Variants in ENTPD1 observed in about 807,000 individuals in gnomAD.
ENTPD1 encodes ectonucleoside triphosphate diphosphohydrolase 1.
Under a neutral mutation model 57.0 loss-of-function variants are expected in ENTPD1, and 33 were observed. The ratio of observed to expected loss-of-function variants is 0.58; its 90% CI spans 0.44 to 0.77. The LOEUF (loss-of-function observed/expected upper bound fraction) is 0.77, where lower values mean the gene tolerates loss of function less well. Among genes scored for constraint, ENTPD1 ranks in the 30% least tolerant of loss-of-function variants. The pLI is 0.00. For missense variants in ENTPD1, 501 were observed against 603.4 expected (o/e 0.83, Z 1.78); for synonymous variants, 202 against 218.8 (o/e 0.92, Z 0.68).
intron 1 of ENTPD1, among the ~76,000 whole-genome samples, chr10:95,728,987 T>C (rs2097986537): frequency 6.6e-6 from 1 of 152,220 alleles, no homozygotes; most frequent in Admixed American, 6.5e-5. Context: ...ACATATATTT[T>C]ATGCATTCAT....
chr10:95,752,198 C>T (rs570097865), upstream of ENTPD1, among the ~76,000 whole-genome samples: 27 of 151,872 alleles, frequency 1.8e-4, no homozygotes, highest in Non-Finnish European at 2.8e-4. Flanking sequence ...TGGCATGGTG[C>T]GGTGAGAAAC....
intron 1 of ENTPD1, among the ~76,000 whole-genome samples, chr10:95,743,002 T>A (rs972612532): frequency 7.9e-5 from 12 of 152,236 alleles, no homozygotes. Flanking sequence ...CCAATATTGA[T>A]ACCTTAATAT....
At chr10:95,835,579 A>G (rs2098407770) in intron 2 of ENTPD1, among the ~76,000 whole-genome samples, 1 of 152,184 alleles carries the variant, frequency 6.6e-6, no homozygotes, top group Admixed American at 6.5e-5. Context: ...ATTCTCTTGT[A>G]TGCACAATCT....
At chr10:95,714,602 A>G (rs1387065123) in intron 1 of ENTPD1, among the ~76,000 whole-genome samples, 1 of 152,204 alleles carries the variant, frequency 6.6e-6, no homozygotes, top group East Asian at 1.9e-4. Flanking sequence ...AGAATAGCTT[A>G]TAACACTTTA....
At chr10:95,836,732 G>A (rs1459156477) in intron 2 of ENTPD1, among the ~76,000 whole-genome samples, 1 of 152,192 alleles carries the variant, frequency 6.6e-6, no homozygotes, top group Non-Finnish European at 1.5e-5. Flanking sequence ...CTTCTGGGAA[G>A]CTTTATTTAC....
At chr10:95,699,515 G>A in the ENTPD1 span, among the ~76,000 whole-genome samples, 4 of 151,996 alleles carry the variant, frequency 2.6e-5, no homozygotes, top group Non-Finnish European at 5.9e-5. Context: ...GGCTGAGGTG[G>A]GAGGATCACT....
intron 1 of ENTPD1, among the ~76,000 whole-genome samples, chr10:95,715,317 G>A (rs913038289): frequency 6.6e-6 from 1 of 152,062 alleles, no homozygotes; most frequent in Non-Finnish European, 1.5e-5. Flanking sequence ...ATGATTAGAT[G>A]TCCTTCCTTG....
rs1438618831 is a variant in ENTPD1, at chr10:95,870,527, C to T, written c.*4144C>T. ...CTCCTGCCCTCAAGCAATCCTCCTG[C>T]CTTGGCCTCCCAAAGTGTTGAGATT... On this transcript the variant is annotated 3_prime_UTR_variant, in exon 10 of 10. Transcript: ENST00000371205. 2.0e-6 allele frequency: 2 copies of T among 976,884 alleles called. No homozygotes were observed. The highest frequency in any genetic ancestry group is 3.5e-5 in the African/African-American group (2 of 57,150). The allele number at this position is 976,884 out of a possible 1,614,324, so 60.5% of individuals were successfully genotyped here.
chr10:95,800,646 C>A lies in ENTPD1; in HGVS notation c.17-22591C>A, dbSNP rs149716585. Among the ~76,000 whole-genome samples, 259 of 152,218 alleles carry A rather than the reference C, an allele frequency of 1.7e-3. 1 individual carries two copies. The highest frequency in any genetic ancestry group is 3.4e-3 in the Admixed American group (52 of 15,276). The stretch of plus-strand genomic sequence containing the variant: ...CCTATCCCCAGGAATGCATTCCTTC[C>A]CCAGGGTTACTCCTTGCTGGGAAAA... On this transcript the variant is annotated intron_variant, in intron 1 of 9. Coordinates refer to ENST00000371205, the MANE Select transcript of ENTPD1 (RefSeq NM_001776.6).
At chr10:95,816,101 G>A (rs1349849616) in intron 1 of ENTPD1, among the ~76,000 whole-genome samples, 1 of 152,122 alleles carries the variant, frequency 6.6e-6, no homozygotes, top group African/African-American at 2.4e-5. Flanking sequence ...GTCTCTTAAT[G>A]TGCATGCCCA....
In ENTPD1 at chr10:95,869,669, A is replaced by C. The variant is rs1217735073; in HGVS notation, c.*3286A>C. The C allele has an allele frequency of 3.1e-6, 3 of 979,750 alleles. No homozygotes were observed. Among genetic ancestry groups the C allele is most frequent in the African/African-American group, 1.8e-5 (1 of 57,116 alleles). The allele number at this position is 979,750 out of a possible 1,614,324, so 60.7% of individuals were successfully genotyped here. On this transcript the variant is annotated 3_prime_UTR_variant, in exon 10 of 10. Coordinates refer to ENST00000371205, the MANE Select transcript of ENTPD1 (RefSeq NM_001776.6). The stretch of plus-strand genomic sequence containing the variant: ...ATCCAATTCTTAATAAGAAATATGT[A>C]AATAAAATTTTTTAAAATTACACTT...
At chr10:95,865,353 T>C (rs2098472340) in intron 9 of ENTPD1, among the ~76,000 whole-genome samples, 1 of 152,182 alleles carries the variant, frequency 6.6e-6, no homozygotes, top group Non-Finnish European at 1.5e-5. Flanking sequence ...AAGCCAGGCT[T>C]AGCCTGAGTC....
intron 1 of ENTPD1, among the ~76,000 whole-genome samples, chr10:95,722,227 C>A (rs955624843): frequency 4.8e-5 from 6 of 125,016 alleles, no homozygotes; most frequent in African/African-American, 1.5e-4. Context: ...TACTGAATAC[C>A]CATTGTGGTT....
the ENTPD1 span, among the ~76,000 whole-genome samples, chr10:95,700,841 G>A: frequency 6.7e-6 from 1 of 150,208 alleles, no homozygotes; most frequent in African/African-American, 2.5e-5. Flanking sequence ...TGCCCAGGCT[G>A]GAGTGCAGTG....
intron 2 of ENTPD1, among the ~76,000 whole-genome samples, chr10:95,833,099 T>A (rs1305061371): frequency 6.6e-6 from 1 of 152,228 alleles, no homozygotes; most frequent in African/African-American, 2.4e-5. Context: ...TTTGGAAAGA[T>A]TTGCTCTGAT....
the ENTPD1 span, among the ~76,000 whole-genome samples, chr10:95,699,805 T>C: frequency 1.3e-5 from 2 of 152,120 alleles, no homozygotes; most frequent in African/African-American, 4.8e-5. Flanking sequence ...TATGGAAGAT[T>C]TTTCATACAT....
intron 1 of ENTPD1, among the ~76,000 whole-genome samples, chr10:95,793,742 T>G (rs1055274937): frequency 2.0e-5 from 3 of 152,040 alleles, no homozygotes; most frequent in African/African-American, 4.8e-5. Context: ...TTTAGAAGGT[T>G]CTTTAAAGGA....
chr10:95,794,709 G>A (rs1218821226), intron 1 of ENTPD1, among the ~76,000 whole-genome samples: 3 of 152,200 alleles, frequency 2.0e-5, no homozygotes, highest in African/African-American at 7.2e-5. Flanking sequence ...GTTAGTGTGG[G>A]GTTCAGGGTA....
At chr10:95,823,525 A>AG (rs2098361922) in intron 2 of ENTPD1, among the ~76,000 whole-genome samples, 161 bp downstream of exon 2, 1 of 152,242 alleles carries the variant, frequency 6.6e-6, no homozygotes, top group South Asian at 2.1e-4. Context: ...AAATGGAAAT[A>AG]GGTGCTCATT....
Sources: gnomAD v4.1 joint callset for allele counts (sites outside exome capture counted in the v4.1 genomes callset) on GRCh38, gnomAD v4.1.1 for gene constraint, MANE v1.5 for transcripts, NCBI Gene and HGNC (gene_info 2026-07-23, HGNC 2026-07-21) for gene names.